The following SPHKAP variants were observed in gnomAD, a reference collection of about 807,000 sequenced individuals.
SPHKAP encodes the protein SPHK1 interactor, AKAP domain containing.
A neutral mutation model predicts 137.5 loss-of-function variants in SPHKAP; 67 were observed. The ratio of observed to expected loss-of-function variants is 0.49; its 90% CI spans 0.40 to 0.60. SPHKAP has a LOEUF of 0.60. Ranked by LOEUF, SPHKAP falls within the 20% of genes least tolerant of loss-of-function variation. The probability of loss-of-function intolerance (pLI) is 0.00; values close to 1 mark genes in which losing one functional copy is unlikely to be tolerated. For missense variants in SPHKAP, 2,097 were observed against 2,069.3 expected (o/e 1.01, Z -0.26); for synonymous variants, 813 against 785.3 (o/e 1.04, Z -0.59).
chr2:228,112,233 G>A (rs750714399), intron 2 of SPHKAP, among the ~76,000 whole-genome samples: 8 of 152,056 alleles, frequency 5.3e-5, no homozygotes, highest in Non-Finnish European at 1.0e-4. Flanking sequence ...TAAAATACAG[G>A]TATCATCGCT....
chr2:228,074,625 A>G (rs1479141818), intron 3 of SPHKAP, among the ~76,000 whole-genome samples: 1 of 152,152 alleles, frequency 6.6e-6, no homozygotes, highest in Non-Finnish European at 1.5e-5. Flanking sequence ...TTACAATTCA[A>G]GGTGGGGTGG....
intron 2 of SPHKAP, among the ~76,000 whole-genome samples, chr2:228,124,648 G>C (rs1559186565): frequency 6.6e-6 from 1 of 151,494 alleles, no homozygotes; most frequent in Admixed American, 6.6e-5. Context: ...CGAGTTAATG[G>C]GTGCAGCACA....
intron 8 of SPHKAP, among the ~76,000 whole-genome samples, chr2:227,994,585 C>T (rs1460888531): frequency 6.6e-6 from 1 of 152,026 alleles, no homozygotes; most frequent in Non-Finnish European, 1.5e-5. Context: ...TGGATGCCCT[C>T]GAATTTAAAT....
chr2:228,073,509 G>C (rs1331124185), intron 3 of SPHKAP, among the ~76,000 whole-genome samples: 2 of 152,114 alleles, frequency 1.3e-5, no homozygotes, highest in African/African-American at 2.4e-5. Flanking sequence ...TATTAAGTGG[G>C]TAGTCTTGAA....
intron 7 of SPHKAP, among the ~76,000 whole-genome samples, chr2:227,996,621 C>T (rs932731209): frequency 1.3e-5 from 2 of 152,136 alleles, no homozygotes; most frequent in East Asian, 1.9e-4. Flanking sequence ...CCTTTACAAG[C>T]GGGTCTTCTG....
intron 2 of SPHKAP, among the ~76,000 whole-genome samples, chr2:228,124,162 G>A (rs1574870883): frequency 6.6e-6 from 1 of 152,282 alleles, no homozygotes; most frequent in East Asian, 1.9e-4. Flanking sequence ...CAACCATTGT[G>A]GAAGTCAGTG....
chr2:228,148,438 C>A (rs1212525703), intron 1 of SPHKAP, among the ~76,000 whole-genome samples: 1 of 152,116 alleles, frequency 6.6e-6, no homozygotes, highest in Non-Finnish European at 1.5e-5. Flanking sequence ...CGGGAATTGG[C>A]CACAGAATGG....
intron 3 of SPHKAP, among the ~76,000 whole-genome samples, chr2:228,100,661 T>C (rs562209100): frequency 1.3e-5 from 2 of 152,244 alleles, no homozygotes; most frequent in African/African-American, 4.8e-5. Flanking sequence ...TTTGTATATG[T>C]TCCACCAGCC....
intron 7 of SPHKAP, among the ~76,000 whole-genome samples, chr2:228,009,809 G>A (rs1040058832): frequency 6.6e-6 from 1 of 152,160 alleles, no homozygotes; most frequent in African/African-American, 2.4e-5. Flanking sequence ...TCTATGATGT[G>A]ATGTTTTTAG....
intron 3 of SPHKAP, among the ~76,000 whole-genome samples, chr2:228,097,169 A>G (rs1167347632): frequency 6.6e-6 from 1 of 152,182 alleles, no homozygotes; most frequent in Non-Finnish European, 1.5e-5. Context: ...CTTGATTGAC[A>G]GGCTTTCCTC....
Position 228,180,935 on chromosome 2 carries a change from G to C in SPHKAP, c.32+632C>G, listed in dbSNP as rs1044273013. On this transcript the variant is annotated intron_variant, in intron 1 of 11. Transcript: ENST00000392056. ...GCGTCCGTGACCTACCCCGGTGTGG[G>C]GGACGAGCAAAACCAAAGGTGTTAA... Among the ~76,000 whole-genome samples the C allele has an allele frequency of 4.6e-5, 7 of 152,236 alleles. No homozygotes were observed. In the East Asian group the frequency reaches 7.8e-4, roughly 17 times the overall value.
At chr2:228,165,160 T>C (rs901472959) in intron 1 of SPHKAP, among the ~76,000 whole-genome samples, 1 of 152,160 alleles carries the variant, frequency 6.6e-6, no homozygotes, top group African/African-American at 2.4e-5. Context: ...GCATTTTTTT[T>C]TTTTTTACCC....
intron 1 of SPHKAP, among the ~76,000 whole-genome samples, chr2:228,143,238 A>G (rs1391470593): frequency 6.6e-6 from 1 of 152,158 alleles, no homozygotes; most frequent in Non-Finnish European, 1.5e-5. Flanking sequence ...ATATGAATGT[A>G]TTATTTTAAA....
chr2:227,985,842 C>A (rs1228965179), intron 11 of SPHKAP, among the ~76,000 whole-genome samples: 5 of 152,186 alleles, frequency 3.3e-5, no homozygotes, highest in African/African-American at 1.2e-4. Flanking sequence ...TGGAAACAGT[C>A]AACTTAGATT....
chr2:228,175,244 A>G (rs1378745053), intron 1 of SPHKAP, among the ~76,000 whole-genome samples: 2 of 152,178 alleles, frequency 1.3e-5, no homozygotes, highest in African/African-American at 2.4e-5. Context: ...AATACTAGGC[A>G]GAAACTTGGA....
chr2:228,090,358 A>G (rs1187423656), intron 3 of SPHKAP, among the ~76,000 whole-genome samples: 2 of 152,180 alleles, frequency 1.3e-5, no homozygotes, highest in Non-Finnish European at 2.9e-5. Flanking sequence ...CTGTACCTCC[A>G]TTGTATCTTG....
At chr2:228,065,049 T>C (rs4597519) in intron 3 of SPHKAP, among the ~76,000 whole-genome samples, 41,120 of 152,094 alleles carry the variant, frequency 0.27, 5,810 homozygotes, top group East Asian at 0.42. Context: ...GCTCAGGATT[T>C]CCTGGCTGTG....
chr2:228,177,734 GT>G (rs1700783877), intron 1 of SPHKAP, among the ~76,000 whole-genome samples: 1 of 152,092 alleles, frequency 6.6e-6, no homozygotes, highest in African/African-American at 2.4e-5. Context: ...ATTCTGATGA[GT>G]TTTAGTGAAA....
intron 3 of SPHKAP, among the ~76,000 whole-genome samples, chr2:228,034,152 AAGAG>A (rs973526812): frequency 1.0e-3 from 159 of 152,302 alleles, no homozygotes; most frequent in African/African-American, 3.8e-3. Flanking sequence ...TAAAGAAGAA[AAGAG>A]AGAAGAATCA....
Sources: gnomAD v4.1 joint callset for allele counts (sites outside exome capture counted in the v4.1 genomes callset) on GRCh38, gnomAD v4.1.1 for gene constraint, MANE v1.5 for transcripts, NCBI Gene and HGNC (gene_info 2026-07-23, HGNC 2026-07-21) for gene names.